The following THEMIS variants were observed in gnomAD, a reference collection of about 807,000 sequenced individuals.
THEMIS encodes the protein protein THEMIS.
Under a neutral mutation model 52.6 loss-of-function variants are expected in THEMIS, and 37 were observed. The observed-to-expected ratio is 0.70, with a 90% CI of 0.54 to 0.93. The LOEUF (loss-of-function observed/expected upper bound fraction) is 0.93. Among genes scored for constraint, THEMIS ranks in the 40% least tolerant of loss-of-function variants. The pLI, the probability that THEMIS is intolerant of heterozygous loss-of-function variation, is 0.00. For missense variants in THEMIS, 808 were observed against 763.1 expected (o/e 1.06, Z -0.69); for synonymous variants, 292 against 272.7 (o/e 1.07, Z -0.70).
intron 5 of THEMIS, among the ~76,000 whole-genome samples, chr6:127,719,140 T>C (rs981806228): frequency 6.6e-6 from 1 of 151,900 alleles, no homozygotes; most frequent in African/African-American, 2.4e-5. Context: ...TGCTAGCTCA[T>C]CCCAAATTTC....
At chr6:127,798,761 C>T (rs562332349) in intron 4 of THEMIS, among the ~76,000 whole-genome samples, 3 of 151,894 alleles carry the variant, frequency 2.0e-5, no homozygotes, top group East Asian at 1.9e-4. Flanking sequence ...GAGGCCGAGG[C>T]GGGCGGATCA....
At chr6:127,815,402 T>A (rs578023634) in intron 3 of THEMIS, among the ~76,000 whole-genome samples, 1 of 152,284 alleles carries the variant, frequency 6.6e-6, no homozygotes, top group South Asian at 2.1e-4. Flanking sequence ...TTACTTTTAA[T>A]ATTATTAACT....
chr6:127,731,864 A>ATATTTTTTTT (rs1774813347), intron 4 of THEMIS, among the ~76,000 whole-genome samples: 2 of 41,716 alleles, frequency 4.8e-5, no homozygotes, highest in South Asian at 3.4e-3. Context: ...TGCCCGGCTA[A>ATATTTTTTTT]TTTTTTTTTT....
At chr6:127,776,477 T>G (rs1776568282) in intron 4 of THEMIS, among the ~76,000 whole-genome samples, 1 of 152,238 alleles carries the variant, frequency 6.6e-6, no homozygotes, top group Non-Finnish European at 1.5e-5. Flanking sequence ...GTGACTGACC[T>G]GGATCAGAGC....
chr6:127,750,130 A>T (rs1248240503), intron 4 of THEMIS, among the ~76,000 whole-genome samples: 1 of 151,014 alleles, frequency 6.6e-6, no homozygotes. Flanking sequence ...GTCTCAATCA[A>T]CTAACTTTGT....
chr6:127,769,168 C>T (rs544970037), intron 4 of THEMIS, among the ~76,000 whole-genome samples: 6 of 152,160 alleles, frequency 3.9e-5, no homozygotes, highest in South Asian at 2.1e-4. Context: ...ATGAAAGATG[C>T]GAAGAAGAAA....
intron 1 of THEMIS, among the ~76,000 whole-genome samples, chr6:127,880,340 C>G (rs1362738689): frequency 3.3e-5 from 5 of 152,034 alleles, no homozygotes; most frequent in Non-Finnish European, 7.4e-5. Context: ...TCCATAAACT[C>G]TTTGAGCAAG....
chr6:127,814,077 C>CT (rs1047187230), intron 3 of THEMIS, 146 bp from the exon 4 acceptor site: 1 of 742,374 alleles, frequency 1.3e-6, no homozygotes, highest in African/African-American at 1.8e-5. Flanking sequence ...TGTGATTTTC[C>CT]TTTTTTCAAA....
At chr6:127,854,168 G>T (rs1205256717) in intron 2 of THEMIS, among the ~76,000 whole-genome samples, 1 of 151,706 alleles carries the variant, frequency 6.6e-6, no homozygotes. Context: ...TACAGCAGAG[G>T]TCAGCAAACT....
intron 4 of THEMIS, among the ~76,000 whole-genome samples, chr6:127,730,318 G>GA (rs1554215797): frequency 8.6e-6 from 1 of 116,958 alleles, no homozygotes; most frequent in Admixed American, 9.2e-5. Flanking sequence ...AAAGAAAAGA[G>GA]AAAAAAAGAA....
At chr6:127,833,872 G>A (rs1562288365) in intron 2 of THEMIS, among the ~76,000 whole-genome samples, 1 of 152,162 alleles carries the variant, frequency 6.6e-6, no homozygotes, top group Non-Finnish European at 1.5e-5. Context: ...CAAGAAACAT[G>A]TGAAATGAGA....
intron 4 of THEMIS, among the ~76,000 whole-genome samples, chr6:127,739,833 A>G (rs564794495): frequency 9.2e-5 from 14 of 151,824 alleles, no homozygotes; most frequent in African/African-American, 3.4e-4. Context: ...GCAATTTGCT[A>G]CTTTTCTGAT....
Position 127,732,546 on chromosome 6 carries a change from A to G in THEMIS, c.1759-12723T>C, listed in dbSNP as rs372851403. ...CAGCAGCTCCTTCATGCCTCAACCTAATCACATTTCCAGTGCCTTTCCCCC... is the reference window on the plus strand; with the variant it reads ...CAGCAGCTCCTTCATGCCTCAACCTGATCACATTTCCAGTGCCTTTCCCCC... On this transcript the variant is annotated intron_variant, in intron 4 of 5. Coordinates refer to ENST00000368248, the MANE Select transcript of THEMIS (RefSeq NM_001010923.3). 1.5e-4 allele frequency among the ~76,000 whole-genome samples: 23 copies of G among 152,246 alleles called. No homozygotes were observed. The East Asian group carries it at 4.4e-3, about 29-fold the overall frequency.
intron 4 of THEMIS, among the ~76,000 whole-genome samples, chr6:127,788,628 AT>A (rs1473759483): frequency 2.0e-5 from 3 of 152,190 alleles, no homozygotes; most frequent in Non-Finnish European, 4.4e-5. Context: ...TTATTTTAAC[AT>A]TTTAGCCCCA....
chr6:127,767,185 G>A (rs1583251793), intron 4 of THEMIS, among the ~76,000 whole-genome samples: 1 of 151,368 alleles, frequency 6.6e-6, no homozygotes, highest in African/African-American at 2.4e-5. Context: ...TCCACCTCCC[G>A]GGTTCAAGTG....
Position 127,855,024 on chromosome 6 carries a change from C to T in THEMIS, c.250+6G>A. On this transcript the variant is annotated splice_donor_region_variant and intron_variant, in intron 2 of 5. Coordinates refer to ENST00000368248, the MANE Select transcript of THEMIS (RefSeq NM_001010923.3). ...ACAAATGATAAGTGGTTGCAATGTGCTGTACCTGGAAAATTCATAGGCAGT... is the reference window on the plus strand; with the variant it reads ...ACAAATGATAAGTGGTTGCAATGTGTTGTACCTGGAAAATTCATAGGCAGT... 6.3e-7 allele frequency: 1 copy of T among 1,598,738 alleles called. No individual in the cohort carries two copies.
chr6:127,875,425 G>A (rs1157098701), intron 1 of THEMIS, among the ~76,000 whole-genome samples: 1 of 152,158 alleles, frequency 6.6e-6, no homozygotes, highest in Non-Finnish European at 1.5e-5. Context: ...AAGCCATTAG[G>A]GAAGTCAACA....
At chr6:127,879,339 T>C (rs913248111) in intron 1 of THEMIS, among the ~76,000 whole-genome samples, 1 of 152,174 alleles carries the variant, frequency 6.6e-6, no homozygotes, top group African/African-American at 2.4e-5. Flanking sequence ...GATGATTGTG[T>C]GATCTTTATT....
At chr6:127,747,657 G>T (rs1337677439) in intron 4 of THEMIS, among the ~76,000 whole-genome samples, 2 of 151,470 alleles carry the variant, frequency 1.3e-5, no homozygotes, top group Non-Finnish European at 2.9e-5. Flanking sequence ...AATCATTTTT[G>T]CATAAAAGAC....
Sources: gnomAD v4.1 joint callset for allele counts (sites outside exome capture counted in the v4.1 genomes callset) on GRCh38, gnomAD v4.1.1 for gene constraint, MANE v1.5 for transcripts, NCBI Gene and HGNC (gene_info 2026-07-23, HGNC 2026-07-21) for gene names.